Variants in CDC5L observed in about 807,000 individuals in gnomAD.
The protein encoded by CDC5L is cell division cycle 5-like protein.
In CDC5L, 18 loss-of-function variants were observed where a neutral mutation model predicts 104.1. The ratio of observed to expected loss-of-function variants is 0.17; its 90% CI spans 0.12 to 0.26. CDC5L has a LOEUF of 0.26. Ranked by LOEUF, CDC5L falls within the 10% of genes least tolerant of loss-of-function variation. CDC5L has a pLI of 1.00. For missense variants in CDC5L, 673 were observed against 956.9 expected (o/e 0.70, Z 3.91); for synonymous variants, 331 against 322.7 (o/e 1.03, Z -0.28).
intron 14 of CDC5L, among the ~76,000 whole-genome samples, chr6:44,441,932 CTTTTTTTTTT>C (rs145016358): frequency 5.4e-5 from 5 of 92,868 alleles, no homozygotes; most frequent in African/African-American, 8.8e-5. Context: ...AGGTCTTGTT[CTTTTTTTTTT>C]TTTTTTTTTT....
At chr6:44,429,015 C>CTTTTT (rs922435895) in intron 13 of CDC5L, among the ~76,000 whole-genome samples, 51 of 95,590 alleles carry the variant, frequency 5.3e-4, no homozygotes, top group Non-Finnish European at 6.7e-4. Flanking sequence ...GTTTCATTAG[C>CTTTTT]TTTTTTTTTT....
chr6:44,408,512 C>T lies in CDC5L; in HGVS notation c.972C>T (p.Ala324=), dbSNP rs781506877. 33 of 1,613,710 alleles carry T rather than the reference C, an allele frequency of 2.0e-5. No individual in the cohort carries two copies. The highest frequency in any genetic ancestry group is 4.5e-5 in the East Asian group (2 of 44,886). The change falls in exon 8 of 16, where the codon GCC becomes GCT. Residue 324 remains alanine, a synonymous_variant. Coordinates refer to ENST00000371477, the MANE Select transcript of CDC5L (RefSeq NM_001253.4). ...CGAGTGAAATTGCACGTCAAACTGCCGAGGAATCTGGCATAACAAATTCTG... is the reference window on the plus strand; with the variant it reads ...CGAGTGAAATTGCACGTCAAACTGCTGAGGAATCTGGCATAACAAATTCTG... ...GQASEIARQT[A]EESGITNSAS...
intron 1 of CDC5L, among the ~76,000 whole-genome samples, 169 bp downstream of exon 1, chr6:44,388,037 G>A (rs1264393715): frequency 6.6e-6 from 1 of 152,070 alleles, no homozygotes; most frequent in Non-Finnish European, 1.5e-5. Flanking sequence ...CGTGTTGTGC[G>A]AGCGCCAGTA....
At chr6:44,424,709 A>C in intron 11 of CDC5L, 126 bp downstream of exon 11, 1 of 768,720 alleles carries the variant, frequency 1.3e-6, no homozygotes. Flanking sequence ...AAAAACTTCT[A>C]AAGTAAATAA....
rs11571950 is a variant in CDC5L, at chr6:44,405,750, A to C, written c.759-573A>C. 9.2e-5 allele frequency among the ~76,000 whole-genome samples: 14 copies of C among 152,274 alleles called. No individual in the cohort carries two copies. The South Asian group carries it at 2.9e-3, about 32-fold the overall frequency. ...TATGTGGAATGTTTTGTTTATCACA[A>C]TCTTCATACTTACATGTTTTAATAT... On this transcript the variant is annotated intron_variant, in intron 6 of 15. Coordinates refer to ENST00000371477, the MANE Select transcript of CDC5L (RefSeq NM_001253.4).
intron 8 of CDC5L, among the ~76,000 whole-genome samples, chr6:44,412,813 C>T (rs1337798885): frequency 5.2e-4 from 61 of 116,242 alleles, no homozygotes; most frequent in Admixed American, 2.7e-3. Flanking sequence ...GACGGAGTCT[C>T]GCTCTGTCGC....
At position 44,446,753 on chromosome 6, in the gene CDC5L, T is replaced by G. The variant is rs1793471968; in HGVS notation, c.*42T>G. On this transcript the variant is annotated 3_prime_UTR_variant, in exon 16 of 16. Transcript: ENST00000371477. The stretch of plus-strand genomic sequence containing the variant: ...TGTCACAGGATTAATTAATTGCCGG[T>G]TTTCATACTCTAGAAGGCTGAAACT... The G allele has an allele frequency of 1.0e-6, 1 of 980,924 alleles. No individual in the cohort carries two copies. The allele number at this position is 980,924 out of a possible 1,614,324, so 60.8% of individuals were successfully genotyped here.
intron 5 of CDC5L, among the ~76,000 whole-genome samples, chr6:44,398,408 G>A (rs1581643828): frequency 6.6e-6 from 1 of 152,302 alleles, no homozygotes; most frequent in East Asian, 1.9e-4. Context: ...AGTGTGGCTA[G>A]CATTGATTGC....
chr6:44,391,938 A>T (rs1444627587), intron 2 of CDC5L, among the ~76,000 whole-genome samples: 1 of 152,136 alleles, frequency 6.6e-6, no homozygotes, highest in Non-Finnish European at 1.5e-5. Flanking sequence ...TAGTGAGCTG[A>T]GATGCTGCCA....
At chr6:44,389,316 A>G (rs998475613) in intron 1 of CDC5L, among the ~76,000 whole-genome samples, 1 of 152,232 alleles carries the variant, frequency 6.6e-6, no homozygotes, top group Admixed American at 6.5e-5. Context: ...TATAAAATCA[A>G]GTAACAGTAG....
At chr6:44,401,517 G>A (rs1791124401) in intron 5 of CDC5L, among the ~76,000 whole-genome samples, 1 of 152,096 alleles carries the variant, frequency 6.6e-6, no homozygotes, top group Non-Finnish European at 1.5e-5. Flanking sequence ...CTACTACTGG[G>A]AGCTGGAGGG....
At chr6:44,393,663 T>A in intron 4 of CDC5L, 90 bp downstream of exon 4, 2 of 1,316,950 alleles carry the variant, frequency 1.5e-6, no homozygotes, top group Non-Finnish European at 2.1e-6. Flanking sequence ...CTCCTCTACT[T>A]TAGAATCCCT....
In CDC5L at chr6:44,397,051, A is replaced by G. The variant is rs1054701273; in HGVS notation, c.539+611A>G. On this transcript the variant is annotated intron_variant, in intron 5 of 15. Coordinates refer to ENST00000371477, the MANE Select transcript of CDC5L (RefSeq NM_001253.4). ...TTATGGAGGCTTCATTAAATAGGCAAGATTGATTACATCATTGGCCATTGC... is the reference window on the plus strand; with the variant it reads ...TTATGGAGGCTTCATTAAATAGGCAGGATTGATTACATCATTGGCCATTGC... Among the ~76,000 whole-genome samples, 17 of 152,234 alleles carry G rather than the reference A, an allele frequency of 1.1e-4. 1 individual carries two copies. Among genetic ancestry groups the G allele is most frequent in the African/African-American group, 3.9e-4 (16 of 41,460 alleles).
rs1790590535 is a variant in CDC5L at position 44,391,076 on chromosome 6, A to ATTAAACATATTTAATATG, written c.149+708_149+709insAACATATTTAATATGTTA. Among the ~76,000 whole-genome samples, 2 of 104,416 alleles carry ATTAAACATATTTAATATG rather than the reference A, an allele frequency of 1.9e-5. 1 individual carries two copies. Among genetic ancestry groups the ATTAAACATATTTAATATG allele is most frequent in the African/African-American group, 8.5e-5 (2 of 23,496 alleles). The allele number at this position is 104,416 out of a possible 152,430, so 68.5% of individuals were successfully genotyped here. ...ATTAAACATATTTAATATGTTATAT[A>ATTAAACATATTTAATATG]TTATATATTAAACATTTAATATGTT... is the stretch of plus-strand genomic sequence containing the variant. On this transcript the variant is annotated intron_variant, in intron 2 of 15. Transcript: ENST00000371477.
intron 14 of CDC5L, among the ~76,000 whole-genome samples, chr6:44,439,216 T>C (rs997146205): frequency 2.6e-5 from 4 of 152,196 alleles, no homozygotes; most frequent in Non-Finnish European, 5.9e-5. Context: ...TACCATTCCA[T>C]TGTGTGGATA....
At position 44,446,722 on chromosome 6, in the gene CDC5L, A is replaced by G. The variant is rs11572055; in HGVS notation, c.*11A>G. ...AAGTCAAAATTCTGAAGTACAGTTT[A>G]TATTCTGTCACAGGATTAATTAATT... On this transcript the variant is annotated 3_prime_UTR_variant, in exon 16 of 16. Coordinates refer to ENST00000371477, the MANE Select transcript of CDC5L (RefSeq NM_001253.4). 0.015 allele frequency: 19,399 copies of G among 1,292,514 alleles called. 182 individuals carry two copies. Among genetic ancestry groups the G allele is most frequent in the South Asian group, 0.019 (1,464 of 78,166 alleles). 80.1% of individuals were successfully genotyped at this position (1,292,514 alleles called of 1,614,324 possible).
intron 11 of CDC5L, among the ~76,000 whole-genome samples, chr6:44,425,699 C>T (rs1272310468): frequency 6.6e-6 from 1 of 151,954 alleles, no homozygotes; most frequent in Non-Finnish European, 1.5e-5. Flanking sequence ...ATGTGTTATC[C>T]CACATTATTC....
intron 8 of CDC5L, among the ~76,000 whole-genome samples, chr6:44,417,528 G>A (rs1791960557): frequency 6.6e-6 from 1 of 152,164 alleles, no homozygotes; most frequent in South Asian, 2.1e-4. Flanking sequence ...GATGGAAGGA[G>A]TATCACAGTT....
intron 2 of CDC5L, among the ~76,000 whole-genome samples, 174 bp from the exon 3 acceptor site, chr6:44,392,493 A>G (rs570116146): frequency 6.6e-6 from 1 of 152,216 alleles, no homozygotes; most frequent in Non-Finnish European, 1.5e-5. Flanking sequence ...ATAGAATGTG[A>G]TGAGATGGGG....
Sources: gnomAD v4.1 joint callset for allele counts (sites outside exome capture counted in the v4.1 genomes callset) on GRCh38, gnomAD v4.1.1 for gene constraint, MANE v1.5 for transcripts, NCBI Gene and HGNC (gene_info 2026-07-23, HGNC 2026-07-21) for gene names.